CPQ: variants seen among roughly 807,000 people sequenced by gnomAD.
The protein encoded by CPQ is Ser-Met dipeptidase.
Under a neutral mutation model 45.7 loss-of-function variants are expected in CPQ, and 37 were observed. The observed-to-expected ratio is 0.81, with a 90% CI of 0.62 to 1.07. The LOEUF is 1.07. Ranked by LOEUF, CPQ falls within the 50% of genes least tolerant of loss-of-function variation. CPQ has a pLI of 0.00. For missense variants in CPQ, 537 were observed against 572.9 expected (o/e 0.94, Z 0.64); for synonymous variants, 186 against 205.8 (o/e 0.90, Z 0.82).
At chr8:96,814,643 T>A (rs1017017637) in intron 2 of CPQ, among the ~76,000 whole-genome samples, 3 of 152,206 alleles carry the variant, frequency 2.0e-5, no homozygotes, top group Non-Finnish European at 4.4e-5. Flanking sequence ...TCATTCTATA[T>A]GCCAGTTGGT....
intron 5 of CPQ, among the ~76,000 whole-genome samples, chr8:96,994,653 A>G (rs1010939195): frequency 1.3e-5 from 2 of 152,068 alleles, no homozygotes; most frequent in African/African-American, 4.8e-5. Flanking sequence ...AAATTGCCAA[A>G]AAAAAGAACC....
intron 1 of CPQ, among the ~76,000 whole-genome samples, chr8:96,662,359 G>A (rs1268083090): frequency 6.6e-6 from 1 of 151,396 alleles, no homozygotes; most frequent in African/African-American, 2.4e-5. Context: ...ATAAAATGGG[G>A]GGCAAAGTGA....
chr8:96,699,800 C>T (rs1809431710), intron 1 of CPQ, among the ~76,000 whole-genome samples: 1 of 152,084 alleles, frequency 6.6e-6, no homozygotes, highest in Non-Finnish European at 1.5e-5. Context: ...CAGACACCTC[C>T]CCCAGAGATC....
chr8:96,865,464 A>G (rs1811985904), intron 3 of CPQ, among the ~76,000 whole-genome samples: 2 of 152,028 alleles, frequency 1.3e-5, no homozygotes, highest in Non-Finnish European at 1.5e-5. Context: ...CTCATGCCTT[A>G]TGCCCAGCGG....
intron 2 of CPQ, among the ~76,000 whole-genome samples, chr8:96,789,304 C>G (rs988406909): frequency 4.6e-5 from 7 of 152,134 alleles, no homozygotes; most frequent in Admixed American, 4.6e-4. Flanking sequence ...TTGTCTTCCT[C>G]CCTTTCCCCC....
rs540048234 is a variant in CPQ, at chr8:96,915,537, G to A, written c.849+35532G>A. Among the ~76,000 whole-genome samples, 7 of 152,288 alleles carry A rather than the reference G, an allele frequency of 4.6e-5. No homozygotes were observed. In the South Asian group the frequency reaches 1.2e-3, roughly 27 times the overall value. Reference sequence around the variant, plus strand: ...ACATCTCTTTATTGATGAATTTTAAGTCATTTGGGTTTTTCCATACTTATT... The same window carrying A: ...ACATCTCTTTATTGATGAATTTTAAATCATTTGGGTTTTTCCATACTTATT... On this transcript the variant is annotated intron_variant, in intron 4 of 7. Coordinates refer to ENST00000220763, the MANE Select transcript of CPQ (RefSeq NM_016134.4).
intron 1 of CPQ, among the ~76,000 whole-genome samples, chr8:96,742,727 A>G (rs1810110771): frequency 6.6e-6 from 1 of 151,164 alleles, no homozygotes; most frequent in African/African-American, 2.4e-5. Flanking sequence ...TTTCTCCTTA[A>G]CTTATGAAGC....
chr8:96,784,582 A>G (rs1810735078), intron 1 of CPQ, among the ~76,000 whole-genome samples: 1 of 152,056 alleles, frequency 6.6e-6, no homozygotes, highest in African/African-American at 2.4e-5. Context: ...CACTGCTACC[A>G]CCACTTCTTT....
In CPQ at chr8:97,080,870, G is replaced by A. The variant is rs149783551; in HGVS notation, c.1255+14660G>A. 9.4e-5 allele frequency among the ~76,000 whole-genome samples: 14 copies of A among 149,130 alleles called. 1 individual carries two copies. The highest frequency in any genetic ancestry group is 3.4e-4 in the Admixed American group (5 of 14,832). Reference sequence around the variant, plus strand: ...AGTGATCCGTTGCCTATCATAGGACGAGATATGAAGTGTGTCCTCAGTATT... The same window carrying A: ...AGTGATCCGTTGCCTATCATAGGACAAGATATGAAGTGTGTCCTCAGTATT... On this transcript the variant is annotated intron_variant, in intron 7 of 7. Transcript: ENST00000220763.
intron 1 of CPQ, among the ~76,000 whole-genome samples, chr8:96,667,099 C>G (rs1019406454): frequency 1.6e-4 from 14 of 85,490 alleles, no homozygotes; most frequent in Non-Finnish European, 3.8e-4. Flanking sequence ...CCACTTCTCC[C>G]ACAAAAAAAT....
At chr8:97,006,627 C>T (rs1436915970) in intron 5 of CPQ, among the ~76,000 whole-genome samples, 1 of 152,154 alleles carries the variant, frequency 6.6e-6, no homozygotes, top group Non-Finnish European at 1.5e-5. Flanking sequence ...CTGTCTTTCC[C>T]TTTCTTAGAA....
chr8:96,987,351 C>T (rs1170346764), intron 5 of CPQ, among the ~76,000 whole-genome samples: 1 of 152,092 alleles, frequency 6.6e-6, no homozygotes, highest in African/African-American at 2.4e-5. Flanking sequence ...GGAAGCTTCG[C>T]TTTGGGGAGT....
At chr8:96,886,578 G>A (rs1370724286) in intron 4 of CPQ, among the ~76,000 whole-genome samples, 1 of 152,170 alleles carries the variant, frequency 6.6e-6, no homozygotes, top group South Asian at 2.1e-4. Flanking sequence ...TAGAGATTTA[G>A]TACAAACTCT....
Position 96,958,366 on chromosome 8 carries a change from C to G in CPQ, c.850-7569C>G, listed in dbSNP as rs184958615. On this transcript the variant is annotated intron_variant, in intron 4 of 7. Transcript: ENST00000220763. ...AATGTTGTAATTCAGCTCTTCTACT[C>G]TTCCTGTCCTCTCAAATGAGACAAC... 5.3e-5 allele frequency among the ~76,000 whole-genome samples: 8 copies of G among 152,266 alleles called. No individual in the cohort carries two copies. In the East Asian group the frequency reaches 1.5e-3, roughly 29 times the overall value.
chr8:96,880,372 G>A (rs1388094000), intron 4 of CPQ, among the ~76,000 whole-genome samples: 2 of 151,704 alleles, frequency 1.3e-5, no homozygotes, highest in African/African-American at 4.8e-5. Context: ...TCACTACTGT[G>A]TATTGTAACC....
At chr8:97,049,603 A>C (rs1203539275) in intron 6 of CPQ, among the ~76,000 whole-genome samples, 1 of 152,202 alleles carries the variant, frequency 6.6e-6, no homozygotes, top group East Asian at 1.9e-4. Context: ...GATGGGTTAG[A>C]AGGTATTCAG....
intron 7 of CPQ, among the ~76,000 whole-genome samples, chr8:97,137,893 A>C (rs1365664915): frequency 6.6e-6 from 1 of 152,098 alleles, no homozygotes; most frequent in Non-Finnish European, 1.5e-5. Context: ...GTCTCAAAAA[A>C]AAAAAAGGAC....
chr8:96,710,169 A>G (rs1329443009), intron 1 of CPQ, among the ~76,000 whole-genome samples: 4 of 152,000 alleles, frequency 2.6e-5, no homozygotes, highest in Non-Finnish European at 4.4e-5. Context: ...TTTCTAGTTT[A>G]TGTGCATAGA....
chr8:97,042,193 T>C (rs1810139776), intron 6 of CPQ, among the ~76,000 whole-genome samples: 1 of 152,236 alleles, frequency 6.6e-6, no homozygotes, highest in Non-Finnish European at 1.5e-5. Context: ...GAGATTCAAC[T>C]TCTTCCTGGT....
Sources: gnomAD v4.1 joint callset for allele counts (sites outside exome capture counted in the v4.1 genomes callset) on GRCh38, gnomAD v4.1.1 for gene constraint, MANE v1.5 for transcripts, NCBI Gene and HGNC (gene_info 2026-07-23, HGNC 2026-07-21) for gene names.